Variants in CTXND1 observed in about 807,000 individuals in gnomAD.
The protein encoded by CTXND1 is cortexin domain containing 1, also known as cortexin domain-containing 1 protein.
chr15:80,247,060 T>C (rs1036804615), intron 1 of CTXND1, among the ~76,000 whole-genome samples: 1 of 152,102 alleles, frequency 6.6e-6, no homozygotes, highest in Non-Finnish European at 1.5e-5. Context: ...CATGAGAAAA[T>C]TGAGGCTCAA....
chr15:80,238,983 T>C (rs902468840), intron 1 of CTXND1, among the ~76,000 whole-genome samples: 6 of 152,234 alleles, frequency 3.9e-5, no homozygotes, highest in Admixed American at 6.5e-5. Flanking sequence ...TTTCTCAGAA[T>C]GGATCCCCGT....
At chr15:80,223,302 C>A (rs1030492555) in intron 1 of CTXND1, among the ~76,000 whole-genome samples, 7 of 152,136 alleles carry the variant, frequency 4.6e-5, no homozygotes, top group African/African-American at 1.2e-4. Flanking sequence ...GGTGATCTGC[C>A]CGCTTCAGCC....
At chr15:80,220,881 T>A (rs1285706636) in intron 1 of CTXND1, among the ~76,000 whole-genome samples, 1 of 150,036 alleles carries the variant, frequency 6.7e-6, no homozygotes, top group African/African-American at 2.4e-5. Context: ...TACTGAGCTC[T>A]ATTATTAATT....
At chr15:80,239,074 C>T (rs150368907) in intron 1 of CTXND1, among the ~76,000 whole-genome samples, 190 of 152,338 alleles carry the variant, frequency 1.2e-3, no homozygotes, top group Middle Eastern at 3.4e-3. Flanking sequence ...GAGCAGTCAG[C>T]GACAGAGCAG....
intron 1 of CTXND1, among the ~76,000 whole-genome samples, chr15:80,237,812 C>G (rs1036229316): frequency 5.9e-5 from 9 of 151,868 alleles, no homozygotes; most frequent in Non-Finnish European, 1.3e-4. Flanking sequence ...AGTTCGAGAC[C>G]AGCCTGGCCA....
chr15:80,235,357 G>A (rs1316621199), intron 1 of CTXND1, among the ~76,000 whole-genome samples: 1 of 152,230 alleles, frequency 6.6e-6, no homozygotes, highest in Non-Finnish European at 1.5e-5. Context: ...TGCAGGTCAA[G>A]TGCCCTCCCA....
At position 80,202,115 on chromosome 15, in the gene CTXND1, C is replaced by T. The variant is rs73483206; in HGVS notation, c.-65-101G>A. The T allele has an allele frequency of 3.2e-3, 1,266 of 395,340 alleles. 18 individuals are homozygous for T. The highest frequency in any genetic ancestry group is 0.023 in the African/African-American group (1,133 of 48,682). The allele number at this position is 395,340 out of a possible 1,614,324, so 24.5% of individuals were successfully genotyped here. On this transcript the variant is annotated intron_variant, in intron 2 of 2. Coordinates refer to ENST00000560778, the MANE Select transcript of CTXND1 (RefSeq NM_001352888.2). ...TGCTCCCTCTTATCTGCTACCCCTG[C>T]ACCGAGAGCTTGCTGCTCAGACCAC...
chr15:80,228,782 C>T (rs1046722993), intron 1 of CTXND1, among the ~76,000 whole-genome samples: 2 of 152,024 alleles, frequency 1.3e-5, no homozygotes, highest in African/African-American at 4.8e-5. Flanking sequence ...GTGCCCACCA[C>T]CATACCCAGC....
rs975419019 is a variant in CTXND1 at position 80,236,623 on chromosome 15, A to G, written c.-218+15384T>C. ...CATGGTGGAACGCCATCTCTACTAA[A>G]CATACAAATATTAGCCAGGTGTGGT... On this transcript the variant is annotated intron_variant, in intron 1 of 2. Coordinates refer to ENST00000560778, the MANE Select transcript of CTXND1 (RefSeq NM_001352888.2). Among the ~76,000 whole-genome samples, 4 of 152,260 alleles carry G rather than the reference A, an allele frequency of 2.6e-5. No homozygotes were observed. In the East Asian group the frequency reaches 7.7e-4, roughly 29 times the overall value.
chr15:80,209,502 A>T (rs1893182837), intron 1 of CTXND1, among the ~76,000 whole-genome samples: 1 of 152,012 alleles, frequency 6.6e-6, no homozygotes, highest in Non-Finnish European at 1.5e-5. Context: ...AGAGTCAGGG[A>T]CTCTGACCTA....
chr15:80,221,281 C>T (rs1214888218), intron 1 of CTXND1, among the ~76,000 whole-genome samples: 3 of 152,158 alleles, frequency 2.0e-5, no homozygotes, highest in African/African-American at 7.2e-5. Flanking sequence ...AGTTTTGTCC[C>T]TTTCTTTGCA....
In CTXND1 at chr15:80,224,065, C is replaced by T. The variant is rs139416050; in HGVS notation, c.-217-20325G>A. Among the ~76,000 whole-genome samples the T allele has an allele frequency of 1.2e-3, 189 of 152,182 alleles. 1 individual carries two copies. Among genetic ancestry groups the T allele is most frequent in the African/African-American group, 4.0e-3 (165 of 41,510 alleles). The stretch of plus-strand genomic sequence containing the variant: ...GACACTCACTTTGGGAACCTTGAGC[C>T]GCCATGTCAAGAATCAGCTGCTCTG... On this transcript the variant is annotated intron_variant, in intron 1 of 2. Transcript: ENST00000560778.
chr15:80,203,741 CTG>C lies in CTXND1; in HGVS notation c.-217-3_-217-2del, dbSNP rs1893112880. 1 of 152,114 alleles carries C rather than the reference CTG, an allele frequency of 6.6e-6. No individual in the cohort carries two copies. Among genetic ancestry groups the C allele is most frequent in the Admixed American group, 6.6e-5 (1 of 15,250 alleles). The allele number at this position is 152,114 out of a possible 1,614,324, so 9.4% of individuals were successfully genotyped here. A position where few individuals can be genotyped will look rare whatever the true frequency, so the allele number is the denominator to read the frequency against. On this transcript the variant is annotated splice_acceptor_variant and splice_polypyrimidine_tract_variant and intron_variant, in intron 1 of 2. Transcript: ENST00000560778. LOFTEE classifies it low-confidence loss of function (5UTR_SPLICE). ...GGCTCGTGGGGGCGCTGGAGTGTGA[CTG>C]TAAGAGAAAGAGACAAAGAAGACTA...
At chr15:80,223,330 T>C (rs1893337988) in intron 1 of CTXND1, among the ~76,000 whole-genome samples, 1 of 152,234 alleles carries the variant, frequency 6.6e-6, no homozygotes, top group African/African-American at 2.4e-5. Flanking sequence ...GTGTTGGGAT[T>C]ATAGGCCTGA....
intron 1 of CTXND1, among the ~76,000 whole-genome samples, chr15:80,204,484 T>A (rs1893126234): frequency 6.6e-6 from 1 of 151,372 alleles, no homozygotes; most frequent in Non-Finnish European, 1.5e-5. Flanking sequence ...CTACTTTATG[T>A]CTCTATGAAT....
At chr15:80,207,860 G>A (rs541501106) in intron 1 of CTXND1, among the ~76,000 whole-genome samples, 23 of 152,332 alleles carry the variant, frequency 1.5e-4, no homozygotes, top group Non-Finnish European at 1.3e-4. Flanking sequence ...ATCCTGGGAT[G>A]TTTACTTGAG....
intron 1 of CTXND1, among the ~76,000 whole-genome samples, chr15:80,213,746 C>T (rs945593843): frequency 2.0e-5 from 3 of 152,066 alleles, no homozygotes; most frequent in East Asian, 1.9e-4. Flanking sequence ...CACCTGAGGA[C>T]GAGGAGCAAC....
At chr15:80,244,200 C>T (rs1893603470) in intron 1 of CTXND1, among the ~76,000 whole-genome samples, 4 of 152,178 alleles carry the variant, frequency 2.6e-5, no homozygotes, top group Admixed American at 2.6e-4. Flanking sequence ...CGTAAGTAAT[C>T]CTACTTATAC....
chr15:80,221,599 T>A (rs1207504840), intron 1 of CTXND1, among the ~76,000 whole-genome samples: 2 of 152,084 alleles, frequency 1.3e-5, no homozygotes, highest in Non-Finnish European at 2.9e-5. Flanking sequence ...TAAAAATGAT[T>A]TTTTTTGGTA....
Sources: gnomAD v4.1 joint callset for allele counts (sites outside exome capture counted in the v4.1 genomes callset) on GRCh38, gnomAD v4.1.1 for gene constraint, MANE v1.5 for transcripts, NCBI Gene and HGNC (gene_info 2026-07-23, HGNC 2026-07-21) for gene names.